The following HIPK2 variants were observed in gnomAD, a reference collection of about 807,000 sequenced individuals.
HIPK2 encodes homeodomain interacting protein kinase 2.
Under a neutral mutation model 113.7 loss-of-function variants are expected in HIPK2, and 27 were observed. That is an observed-to-expected ratio of 0.24 (90% confidence interval 0.17 to 0.33). The LOEUF (loss-of-function observed/expected upper bound fraction) is 0.33, where lower values mean the gene tolerates loss of function less well. Ranked by LOEUF, HIPK2 falls within the 10% of genes least tolerant of loss-of-function variation. The pLI, the probability that HIPK2 is intolerant of heterozygous loss-of-function variation, is 1.00. For missense variants in HIPK2, 1,257 were observed against 1,588.0 expected (o/e 0.79, Z 3.54); for synonymous variants, 631 against 642.2 (o/e 0.98, Z 0.26).
chr7:139,569,555 C>T lies in HIPK2; in HGVS notation c.*3372G>A, dbSNP rs1370512915. ...GACATTCCCCGAGCCCATGAGATGCCACCTGACGTCGCATCCCAGGCCTCT... is the reference window on the plus strand; with the variant it reads ...GACATTCCCCGAGCCCATGAGATGCTACCTGACGTCGCATCCCAGGCCTCT... On this transcript the variant is annotated 3_prime_UTR_variant, in exon 15 of 15. Transcript: ENST00000406875. 1 of 152,180 alleles carries T rather than the reference C, an allele frequency of 6.6e-6. No individual in the cohort carries two copies. Among genetic ancestry groups the T allele is most frequent in the African/African-American group, 2.4e-5 (1 of 41,432 alleles). 9.4% of individuals were successfully genotyped at this position (152,180 alleles called of 1,614,324 possible). A position where few individuals can be genotyped will look rare whatever the true frequency, so the allele number is the denominator to read the frequency against.
intron 1 of HIPK2, among the ~76,000 whole-genome samples, chr7:139,770,088 G>A (rs1330849968): frequency 1.3e-5 from 2 of 152,218 alleles, no homozygotes; most frequent in Non-Finnish European, 2.9e-5. Context: ...AGATTCTGGT[G>A]AGTAGATGCC....
Position 139,613,288 on chromosome 7 carries a change from A to G in HIPK2, c.2026T>C (p.Ser676Pro). 1 of 1,613,682 alleles carries G rather than the reference A, an allele frequency of 6.2e-7. No individual in the cohort carries two copies. The highest frequency in any genetic ancestry group is 1.1e-5 in the South Asian group (1 of 90,980). Reference protein sequence around the residue: ...QASPSKHAGYSVRMENAVPIV... With the variant: ...QASPSKHAGYPVRMENAVPIV... ...GGAACTGCATTTTCCATTCGCACCG[A>G]GTAGCCAGCGTGCTTAGAGGGAGAG... is the stretch of plus-strand genomic sequence containing the variant. Residue 676 changes from serine to proline, a missense_variant, in exon 9 of 15, where the codon TCG becomes CCG. Around this residue, in one of 5 missense-constraint regions of HIPK2, gnomAD observed 862 missense variants for 1,004.3 expected, o/e 0.86. Coordinates refer to ENST00000406875, the MANE Select transcript of HIPK2 (RefSeq NM_022740.5). This position sits in a 1 kb window ranked among gnomAD's most constrained non-coding sequence, Gnocchi z 4.2.
At chr7:139,646,046 CCTT>C (rs1801207568) in intron 2 of HIPK2, among the ~76,000 whole-genome samples, 1 of 152,182 alleles carries the variant, frequency 6.6e-6, no homozygotes, top group Non-Finnish European at 1.5e-5. Context: ...CCAAAGTTTG[CCTT>C]CTTGTGTTTG....
chr7:139,574,678 C>A (rs545507009), intron 14 of HIPK2, among the ~76,000 whole-genome samples: 1 of 152,232 alleles, frequency 6.6e-6, no homozygotes, highest in Admixed American at 6.5e-5. Context: ...AACCCACCCC[C>A]CTTCCTCCAG....
intron 1 of HIPK2, among the ~76,000 whole-genome samples, chr7:139,734,456 G>T (rs1190984072): frequency 6.6e-6 from 1 of 152,180 alleles, no homozygotes; most frequent in Non-Finnish European, 1.5e-5. Flanking sequence ...CTGCATACAG[G>T]CCTAAGTGCC....
chr7:139,631,679 T>C lies in HIPK2; in HGVS notation c.1150A>G (p.Met384Val), dbSNP rs760140980. Residue 384 changes from methionine (M) to valine (V), a missense_variant, in exon 3 of 15, where the codon ATG becomes GTG. Met to Val is a conservative substitution (Grantham distance 21). Around this residue, in one of 5 missense-constraint regions of HIPK2, gnomAD observed 84 missense variants for 182.2 expected, o/e 0.46. Transcript: ENST00000406875. The surrounding 1 kb of genome is among the most constrained non-coding windows in gnomAD (Gnocchi z 4.9). ...LGLPFCEAID[M>V]WSLGCVIAEL... is the part of the protein sequence containing the mutation. ...GCAATAACACAGCCCAGGGACCACA[T>C]GTCAATTGCCTCACAAAATGGTAAA... 1.2e-6 allele frequency: 2 copies of C among 1,613,954 alleles called. No individual in the cohort carries two copies. The highest frequency in any genetic ancestry group is 1.6e-4 in the Middle Eastern group (1 of 6,062).
intron 1 of HIPK2, among the ~76,000 whole-genome samples, chr7:139,774,815 G>A (rs963407084): frequency 6.6e-6 from 1 of 152,108 alleles, no homozygotes; most frequent in Admixed American, 6.5e-5. Context: ...CAATCACAAG[G>A]CAAATGTTTA....
At chr7:139,674,468 C>T (rs1802423034) in intron 2 of HIPK2, among the ~76,000 whole-genome samples, 1 of 152,068 alleles carries the variant, frequency 6.6e-6, no homozygotes. Context: ...GCGTGCTGAG[C>T]CTGAAAGAGC....
chr7:139,635,684 C>G (rs1306253679), intron 2 of HIPK2, among the ~76,000 whole-genome samples: 2 of 152,078 alleles, frequency 1.3e-5, no homozygotes, highest in Admixed American at 1.3e-4. Flanking sequence ...GGCTGGGAGA[C>G]AGTACTGTCT....
At chr7:139,615,952 G>C (rs1020753297) in intron 7 of HIPK2, among the ~76,000 whole-genome samples, 6 of 152,214 alleles carry the variant, frequency 3.9e-5, no homozygotes, top group Admixed American at 3.9e-4. Context: ...ATCAGTGTCT[G>C]TGTTTTGTCA....
chr7:139,695,512 T>C (rs990997238), intron 2 of HIPK2, among the ~76,000 whole-genome samples: 5 of 152,290 alleles, frequency 3.3e-5, no homozygotes, highest in East Asian at 1.9e-4. Context: ...TACTTGAGAA[T>C]AGAAGTAGAT....
chr7:139,607,454 A>G (rs1799658973), intron 9 of HIPK2, among the ~76,000 whole-genome samples: 1 of 152,200 alleles, frequency 6.6e-6, no homozygotes, highest in African/African-American at 2.4e-5. Flanking sequence ...CAGAGAAAGA[A>G]AAAACAACAT....
chr7:139,695,080 T>G (rs913634784), intron 2 of HIPK2, among the ~76,000 whole-genome samples: 2,854 of 152,306 alleles, frequency 0.019, 42 homozygotes, highest in Non-Finnish European at 0.027. Context: ...GGTTCGCCAT[T>G]TTGTCAAGAA....
chr7:139,640,273 T>C (rs1411869138), intron 2 of HIPK2, among the ~76,000 whole-genome samples: 1 of 152,192 alleles, frequency 6.6e-6, no homozygotes, highest in Non-Finnish European at 1.5e-5. Context: ...ACACCATCAA[T>C]ATGGAAGCTT....
intron 13 of HIPK2, among the ~76,000 whole-genome samples, chr7:139,578,395 C>A (rs1798559099): frequency 6.6e-6 from 1 of 152,194 alleles, no homozygotes; most frequent in Non-Finnish European, 1.5e-5. Flanking sequence ...ATTTGCCTGC[C>A]TCAGCCTCCC....
At chr7:139,615,490 G>C (rs927951432) in intron 7 of HIPK2, among the ~76,000 whole-genome samples, 3 of 152,226 alleles carry the variant, frequency 2.0e-5, no homozygotes, top group Admixed American at 1.3e-4. Context: ...GACTGAACTT[G>C]CATGAAAAAT....
At chr7:139,775,581 G>C (rs1480379675) in intron 1 of HIPK2, among the ~76,000 whole-genome samples, 2 of 152,140 alleles carry the variant, frequency 1.3e-5, no homozygotes, top group African/African-American at 4.8e-5. Context: ...GAGGGAAACT[G>C]AGGGCTGAAA....
rs748501094 is a variant in HIPK2, at chr7:139,573,208, T to A, written c.3316A>T (p.Thr1106Ser). 1.2e-6 allele frequency: 2 copies of A among 1,605,746 alleles called. No homozygotes were observed. The highest frequency in any genetic ancestry group is 1.7e-6 in the Non-Finnish European group (2 of 1,179,234). ...LPTQPHLYTY[T>S]APAALGSTGT... is the part of the protein sequence containing the mutation. Reference sequence around the variant, plus strand: ...GTGGAGCCCAGGGCCGCCGGCGCAGTGTAGGTGTAGAGGTGGGGCTGGGTG... The same window carrying A: ...GTGGAGCCCAGGGCCGCCGGCGCAGAGTAGGTGTAGAGGTGGGGCTGGGTG... The change falls in exon 15 of 15, where the codon ACT (threonine) becomes TCT (serine). Residue 1106 changes from threonine to serine, a missense_variant. By Grantham distance (58) the Thr-to-Ser change is moderately conservative. This residue lies in a region of HIPK2 where 862 missense variants were observed against 1,004.3 expected (regional missense o/e 0.86). Coordinates refer to ENST00000406875, the MANE Select transcript of HIPK2 (RefSeq NM_022740.5).
chr7:139,583,041 T>C lies in HIPK2; in HGVS notation c.2965+776A>G, dbSNP rs1017036653. On this transcript the variant is annotated intron_variant, in intron 13 of 14. Transcript: ENST00000406875. The stretch of plus-strand genomic sequence containing the variant: ...AAAAGCTTCCTGGCGTTCCCTTTCC[T>C]TCCCTTTTCAGTTATGCCGCCACGC... Among the ~76,000 whole-genome samples the C allele has an allele frequency of 5.7e-4, 86 of 152,146 alleles. 2 individuals are homozygous for C. Among genetic ancestry groups the C allele is most frequent in the Non-Finnish European group, 2.8e-4 (19 of 68,014 alleles).
Sources: gnomAD v4.1 joint callset for allele counts (sites outside exome capture counted in the v4.1 genomes callset) on GRCh38, gnomAD v4.1.1 for gene constraint, gnomAD v4.1.1 regional missense constraint, Gnocchi (gnomAD v3.1) non-coding constraint, MANE v1.5 for transcripts, NCBI Gene and HGNC (gene_info 2026-07-23, HGNC 2026-07-21) for gene names.